Variants in OPRM1 observed in about 807,000 individuals in gnomAD.
OPRM1 encodes opioid receptor mu 1.
In OPRM1, 27 loss-of-function variants were observed where a neutral mutation model predicts 31.8. The ratio of observed to expected loss-of-function variants is 0.85; its 90% CI spans 0.63 to 1.17. OPRM1 has a LOEUF of 1.17. Among genes scored for constraint, OPRM1 ranks in the 50% most tolerant of loss-of-function variants. The pLI is 0.00. For synonymous variants in OPRM1, 196 were observed against 189.9 expected, an observed-to-expected ratio of 1.03 and a Z score of -0.26; for missense variants, 536 against 511.1, an observed-to-expected ratio of 1.05 and a Z score of -0.47.
rs1270844421 is a variant in OPRM1 at position 154,124,006 on chromosome 6, T to C, written c.*5285T>C. Among the ~76,000 whole-genome samples, 2 of 152,174 alleles carry C rather than the reference T, an allele frequency of 1.3e-5. No homozygotes were observed. Among genetic ancestry groups the C allele is most frequent in the Non-Finnish European group, 2.9e-5 (2 of 68,024 alleles). On this transcript the variant is annotated 3_prime_UTR_variant, in exon 4 of 4. Transcript: ENST00000330432. ...AGCCCAGTAGGTCTCAGCCTTATTTTACCCAGCCTCTATTCAAGATGGAGT... is the reference window on the plus strand; with the variant it reads ...AGCCCAGTAGGTCTCAGCCTTATTTCACCCAGCCTCTATTCAAGATGGAGT...
At position 154,090,038 on chromosome 6, in the gene OPRM1, A is replaced by G. The variant is rs199749405; in HGVS notation, c.503A>G (p.Tyr168Cys). The change falls in exon 2 of 4, where the codon TAC becomes TGC. Residue 168 changes from tyrosine (Y) to cysteine (C), a missense_variant. Coordinates refer to ENST00000330432, the MANE Select transcript of OPRM1 (RefSeq NM_000914.5). ...CTCTGCACCATGAGTGTTGATCGATACATTGCAGTCTGCCACCCTGTCAAG... is the reference window on the plus strand; with the variant it reads ...CTCTGCACCATGAGTGTTGATCGATGCATTGCAGTCTGCCACCCTGTCAAG... ...FTLCTMSVDR[Y>C]IAVCHPVKAL... 1.3e-5 allele frequency: 21 copies of G among 1,613,898 alleles called. No homozygotes were observed. The highest frequency in any genetic ancestry group is 1.6e-4 in the Middle Eastern group (1 of 6,084).
intron 1 of OPRM1, among the ~76,000 whole-genome samples, chr6:154,024,772 A>G (rs916341971): frequency 6.6e-6 from 1 of 151,526 alleles, no homozygotes. Flanking sequence ...ATTTTTTTCA[A>G]TCTCCTCCTT....
At chr6:154,109,376 T>G (rs934634544) in intron 3 of OPRM1, among the ~76,000 whole-genome samples, 3 of 152,222 alleles carry the variant, frequency 2.0e-5, no homozygotes, top group Non-Finnish European at 4.4e-5. Flanking sequence ...TGAGACATGA[T>G]TGACTTACAA....
At chr6:154,213,040 C>A in intron 3 of OPRM1, 1 of 568,024 alleles carries the variant, frequency 1.8e-6, no homozygotes, top group Non-Finnish European at 3.2e-6. Flanking sequence ...AACAAATGGC[C>A]AATTCGGGGC....
intron 3 of OPRM1, chr6:154,091,706 A>G: frequency 7.8e-7 from 1 of 1,275,654 alleles, no homozygotes; most frequent in Non-Finnish European, 9.9e-7. Flanking sequence ...CCATGAAACT[A>G]TTCAAAATAA....
At chr6:154,081,863 C>T (rs75137648) in intron 1 of OPRM1, among the ~76,000 whole-genome samples, 1 of 152,130 alleles carries the variant, frequency 6.6e-6, no homozygotes, top group South Asian at 2.1e-4. Context: ...CTCTGTGTGC[C>T]TCGGGTCCTT....
At chr6:154,231,849 G>A (rs1465793389) in intron 3 of OPRM1, among the ~76,000 whole-genome samples, 1 of 152,102 alleles carries the variant, frequency 6.6e-6, no homozygotes, top group African/African-American at 2.4e-5. Flanking sequence ...AAACAAACAC[G>A]AAAAAGAAAA....
intron 3 of OPRM1, chr6:154,213,017 C>A (rs1583813782): frequency 1.7e-6 from 1 of 600,086 alleles, no homozygotes; most frequent in Non-Finnish European, 3.0e-6. Flanking sequence ...AAAGGAATTA[C>A]ATAAGAGGCA....
chr6:154,170,359 C>T (rs1290701687), intron 3 of OPRM1, among the ~76,000 whole-genome samples: 2 of 152,156 alleles, frequency 1.3e-5, no homozygotes, highest in Admixed American at 6.5e-5. Context: ...TGGAGAAAAG[C>T]ATATAATGGT....
chr6:154,207,126 C>T (rs1583797808), intron 3 of OPRM1, among the ~76,000 whole-genome samples: 1 of 152,260 alleles, frequency 6.6e-6, no homozygotes, highest in East Asian at 1.9e-4. Flanking sequence ...CAGGTCAGGG[C>T]TGATGAGGGC....
At chr6:154,232,419 A>C (rs1468617033) in intron 3 of OPRM1, among the ~76,000 whole-genome samples, 1 of 152,200 alleles carries the variant, frequency 6.6e-6, no homozygotes, top group Non-Finnish European at 1.5e-5. Context: ...GTGAGGTAGT[A>C]CTATGATCAC....
intron 3 of OPRM1, among the ~76,000 whole-genome samples, chr6:154,149,722 G>A (rs60263308): frequency 1.6e-4 from 24 of 151,696 alleles, no homozygotes; most frequent in Non-Finnish European, 2.8e-4. Flanking sequence ...AATCTCCCAA[G>A]ATCTTCCAAG....
chr6:154,025,271 T>C (rs1029047225), intron 1 of OPRM1, among the ~76,000 whole-genome samples: 4 of 152,106 alleles, frequency 2.6e-5, no homozygotes, highest in Non-Finnish European at 4.4e-5. Context: ...CATTATATAG[T>C]AACCTTCTTT....
Position 154,099,307 on chromosome 6 carries a change from GAAA to G in OPRM1, c.1164+7836_1164+7838del, listed in dbSNP as rs1793974476. Among the ~76,000 whole-genome samples the G allele has an allele frequency of 4.4e-4, 24 of 54,544 alleles. No individual in the cohort carries two copies. In the Admixed American group the frequency reaches 6.0e-3, roughly 14 times the overall value. The allele number at this position is 54,544 out of a possible 152,430, so 35.8% of individuals were successfully genotyped here. A position where few individuals can be genotyped will look rare whatever the true frequency, so the allele number is the denominator to read the frequency against. ...CGAAAGGAAGGAAGGAAGGAAGGAAGAAAGGAAGGAAGGAAGGAAGGAAGGGAG... is the reference window on the plus strand; with the variant it reads ...CGAAAGGAAGGAAGGAAGGAAGGAAGGGAAGGAAGGAAGGAAGGAAGGGAG... On this transcript the variant is annotated intron_variant, in intron 3 of 3. Transcript: ENST00000330432.
intron 1 of OPRM1, among the ~76,000 whole-genome samples, chr6:154,041,053 G>A (rs539445612): frequency 9.9e-5 from 15 of 152,104 alleles, no homozygotes; most frequent in African/African-American, 2.7e-4. Context: ...CACCTATTCA[G>A]CAAGTATTGC....
At chr6:154,067,818 G>C (rs980712617) in intron 1 of OPRM1, among the ~76,000 whole-genome samples, 1 of 151,926 alleles carries the variant, frequency 6.6e-6, no homozygotes, top group Non-Finnish European at 1.5e-5. Context: ...ATGGTCTGTT[G>C]TTGAGTACTG....
At chr6:154,019,182 C>CTTT (rs34786795) in intron 1 of OPRM1, among the ~76,000 whole-genome samples, 2,019 of 126,866 alleles carry the variant, frequency 0.016, 61 homozygotes, top group African/African-American at 0.055. Context: ...CCCTGTTGTG[C>CTTT]TTTTTTTTTT....
intron 3 of OPRM1, among the ~76,000 whole-genome samples, chr6:154,161,321 C>T (rs921255259): frequency 9.2e-5 from 14 of 151,878 alleles, no homozygotes; most frequent in African/African-American, 3.1e-4. Context: ...AGCGATTCTC[C>T]TGCATCAACC....
intron 3 of OPRM1, among the ~76,000 whole-genome samples, chr6:154,245,419 G>T (rs1422115190): frequency 6.6e-6 from 1 of 152,150 alleles, no homozygotes; most frequent in Non-Finnish European, 1.5e-5. Context: ...ACTGGAATTG[G>T]ATTTGGGTCT....
Sources: allele counts gnomAD v4.1 joint callset (sites outside exome capture counted in the v4.1 genomes callset), GRCh38; gene constraint gnomAD v4.1.1; transcripts MANE v1.5; gene names NCBI Gene and HGNC (gene_info 2026-07-23, HGNC 2026-07-21).